Variants in DYM observed in about 807,000 individuals in gnomAD.
The protein encoded by DYM is dymeclin.
A neutral mutation model predicts 93.1 loss-of-function variants in DYM; 78 were observed. The observed-to-expected ratio is 0.84, with a 90% CI of 0.70 to 1.01. The LOEUF is 1.01. Among genes scored for constraint, DYM ranks in the 50% least tolerant of loss-of-function variants. The pLI is 0.00. For missense variants in DYM, 789 were observed against 845.0 expected (o/e 0.93, Z 0.82); for synonymous variants, 321 against 319.7 (o/e 1.00, Z -0.04).
intron 1 of DYM, among the ~76,000 whole-genome samples, chr18:49,444,767 T>TA (rs2081959220): frequency 6.6e-6 from 1 of 152,194 alleles, no homozygotes; most frequent in Non-Finnish European, 1.5e-5. Context: ...ACGTTAAGTA[T>TA]CAAGAAAAGA....
chr18:49,080,139 G>C (rs1320276963), intron 17 of DYM, among the ~76,000 whole-genome samples: 1 of 50,288 alleles, frequency 2.0e-5, no homozygotes, highest in Non-Finnish European at 5.3e-5. Flanking sequence ...CTCCCGGACG[G>C]GGCGGCTGGC....
chr18:49,078,983 T>C (rs1490545785), intron 17 of DYM, among the ~76,000 whole-genome samples: 2 of 152,236 alleles, frequency 1.3e-5, no homozygotes, highest in Non-Finnish European at 2.9e-5. Flanking sequence ...TATGTTATAC[T>C]TTGTTGTTTT....
chr18:49,038,393 A>G lies in DYM; in HGVS notation c.*5662T>C, dbSNP rs1198196782. Among the ~76,000 whole-genome samples the G allele has an allele frequency of 6.6e-6, 1 of 152,228 alleles. No homozygotes were observed. Among genetic ancestry groups the G allele is most frequent in the Non-Finnish European group, 1.5e-5 (1 of 68,042 alleles). ...TTATATTTTAAGTGCATATAAATTT[A>G]GATTATCTTTCTAGTAATTGAATTG... is the stretch of plus-strand genomic sequence containing the variant. On this transcript the variant is annotated 3_prime_UTR_variant, in exon 18 of 18. Transcript: ENST00000675505.
chr18:49,381,235 C>A (rs537948600), intron 3 of DYM, among the ~76,000 whole-genome samples: 2 of 151,800 alleles, frequency 1.3e-5, no homozygotes, highest in Non-Finnish European at 2.9e-5. Context: ...TGAAATGTGT[C>A]AAGATTTGAA....
chr18:49,412,231 T>G (rs2148208158), intron 2 of DYM, among the ~76,000 whole-genome samples: 1 of 103,526 alleles, frequency 9.7e-6, no homozygotes, highest in African/African-American at 3.3e-5. Flanking sequence ...AGAAAAACAT[T>G]GACTTAAAAA....
intron 1 of DYM, among the ~76,000 whole-genome samples, chr18:49,433,506 T>C (rs1023909616): frequency 1.3e-5 from 2 of 152,162 alleles, no homozygotes; most frequent in Non-Finnish European, 2.9e-5. Flanking sequence ...TAAACCTTCA[T>C]CTTCCATAAT....
intron 14 of DYM, among the ~76,000 whole-genome samples, chr18:49,182,128 A>G (rs1433883009): frequency 1.3e-5 from 2 of 152,194 alleles, no homozygotes; most frequent in Non-Finnish European, 2.9e-5. Flanking sequence ...CATTATTGAT[A>G]TCTATTATAA....
At chr18:49,408,327 G>A (rs1019794038) in intron 2 of DYM, among the ~76,000 whole-genome samples, 1 of 152,086 alleles carries the variant, frequency 6.6e-6, no homozygotes, top group African/African-American at 2.4e-5. Flanking sequence ...TCTTACTGGT[G>A]GACATTTAAG....
chr18:49,247,084 G>C (rs1165134047), intron 13 of DYM, among the ~76,000 whole-genome samples: 2 of 152,210 alleles, frequency 1.3e-5, no homozygotes, highest in African/African-American at 4.8e-5. Flanking sequence ...GCAGAGAGTA[G>C]TTTACTATCA....
chr18:49,136,664 G>A (rs1397207334), intron 15 of DYM, among the ~76,000 whole-genome samples: 1 of 152,056 alleles, frequency 6.6e-6, no homozygotes, highest in Non-Finnish European at 1.5e-5. Flanking sequence ...CTCTCAATAT[G>A]TAAAATATAA....
intron 13 of DYM, among the ~76,000 whole-genome samples, chr18:49,222,485 C>CA (rs1439885502): frequency 1.3e-5 from 2 of 151,960 alleles, no homozygotes; most frequent in Non-Finnish European, 1.5e-5. Flanking sequence ...AGGAAACTGT[C>CA]AAAGATAAAT....
chr18:49,168,169 C>G (rs1171482022), intron 14 of DYM, among the ~76,000 whole-genome samples: 13 of 152,078 alleles, frequency 8.5e-5, no homozygotes, highest in Non-Finnish European at 2.9e-5. Flanking sequence ...AGCCACTGTT[C>G]TCTGAGGAAG....
chr18:49,075,437 C>T (rs1219626823), intron 17 of DYM, among the ~76,000 whole-genome samples: 1 of 152,116 alleles, frequency 6.6e-6, no homozygotes, highest in African/African-American at 2.4e-5. Context: ...GATTTTCATC[C>T]AAGGATCAGG....
At chr18:49,254,317 TATATATATAC>T (rs2094348757) in intron 13 of DYM, among the ~76,000 whole-genome samples, 1 of 99,080 alleles carries the variant, frequency 1.0e-5, no homozygotes, top group East Asian at 2.9e-4. Context: ...TATATATATA[TATATATATAC>T]ACACATAGAT....
rs576289804 is a variant in DYM at position 49,078,142 on chromosome 18, TAC to T, written c.2025+19258_2025+19259del. 9.2e-5 allele frequency among the ~76,000 whole-genome samples: 14 copies of T among 152,328 alleles called. 1 individual carries two copies. In the South Asian group the frequency reaches 2.9e-3, roughly 32 times the overall value. On this transcript the variant is annotated intron_variant, in intron 17 of 17. Coordinates refer to ENST00000675505, the MANE Select transcript of DYM (RefSeq NM_001353214.3). ...AGTGGTTGCCCTAGAGATGACAATA[TAC>T]ACTCTTAACTTTTCTCAGTCAACTT...
chr18:49,306,432 C>T (rs148438466), intron 8 of DYM, among the ~76,000 whole-genome samples: 6 of 152,116 alleles, frequency 3.9e-5, no homozygotes, highest in African/African-American at 1.4e-4. Context: ...ACATATTATC[C>T]CGCTTCTTGA....
chr18:49,144,014 C>A (rs945073650), intron 15 of DYM, among the ~76,000 whole-genome samples: 1 of 152,034 alleles, frequency 6.6e-6, no homozygotes, highest in Non-Finnish European at 1.5e-5. Flanking sequence ...TAATAGTAAT[C>A]CCTGAAAATT....
At chr18:49,402,130 T>A (rs899014569) in intron 2 of DYM, among the ~76,000 whole-genome samples, 4 of 152,152 alleles carry the variant, frequency 2.6e-5, no homozygotes, top group African/African-American at 9.7e-5. Context: ...TTCCTTGGAT[T>A]TCATGAAGAG....
At chr18:49,245,812 C>T (rs1232401123) in intron 13 of DYM, among the ~76,000 whole-genome samples, 2 of 152,194 alleles carry the variant, frequency 1.3e-5, no homozygotes, top group African/African-American at 4.8e-5. Flanking sequence ...TTTTGCAGCT[C>T]AGGTGGGTAT....
Sources: allele counts gnomAD v4.1 joint callset (sites outside exome capture counted in the v4.1 genomes callset), GRCh38; gene constraint gnomAD v4.1.1; transcripts MANE v1.5; gene names NCBI Gene and HGNC (gene_info 2026-07-23, HGNC 2026-07-21).